KTN1: variants seen among roughly 807,000 people sequenced by gnomAD.
KTN1 encodes kinectin 1.
Under a neutral mutation model 222.5 loss-of-function variants are expected in KTN1, and 130 were observed. The observed-to-expected ratio is 0.58, with a 90% CI of 0.51 to 0.68. The LOEUF is 0.68. KTN1 is among the 30% of genes least tolerant of loss of function. The pLI, the probability that KTN1 is intolerant of heterozygous loss-of-function variation, is 0.00. For missense variants in KTN1, 1,508 were observed against 1,500.4 expected (o/e 1.01, Z -0.08); for synonymous variants, 512 against 496.3 (o/e 1.03, Z -0.42).
At chr14:55,606,415 A>C (rs1479517576) in intron 1 of KTN1, among the ~76,000 whole-genome samples, 1 of 151,992 alleles carries the variant, frequency 6.6e-6, no homozygotes, top group African/African-American at 2.4e-5. Context: ...TTCAGATTTC[A>C]GTCTTGAATT....
intron 35 of KTN1, among the ~76,000 whole-genome samples, chr14:55,671,012 G>GTTTGCCATTCCTTTAACTCTGTATTTTAA (rs1330636517): frequency 1.3e-5 from 2 of 152,102 alleles, no homozygotes; most frequent in African/African-American, 4.8e-5. Flanking sequence ...CAAAGCTAGT[G>GTTTGCCATTCCTTTAACTCTGTATTTTAA]TTTGCCATTC....
At position 55,619,049 on chromosome 14, in the gene KTN1, C is replaced by T. The variant is rs1041353262; in HGVS notation, c.833-133C>T. 4 of 634,684 alleles carry T rather than the reference C, an allele frequency of 6.3e-6. No homozygotes were observed. The East Asian group carries it at 1.1e-4, about 18-fold the overall frequency. The allele number at this position is 634,684 out of a possible 1,614,324, so 39.3% of individuals were successfully genotyped here. A position where few individuals can be genotyped will look rare whatever the true frequency, so the allele number is the denominator to read the frequency against. On this transcript the variant is annotated intron_variant, in intron 4 of 43. Transcript: ENST00000395314. Reference sequence around the variant, plus strand: ...GACTGGAGTATTTGTTTTATTTAACCTGAAGTATATATCTGTTTTCTTTCG... The same window carrying T: ...GACTGGAGTATTTGTTTTATTTAACTTGAAGTATATATCTGTTTTCTTTCG...
At chr14:55,640,668 A>C (rs565358230) in intron 15 of KTN1, among the ~76,000 whole-genome samples, 3 of 152,100 alleles carry the variant, frequency 2.0e-5, no homozygotes, top group South Asian at 4.1e-4. Context: ...TTATCTTACT[A>C]TGCTGGTTTG....
chr14:55,648,069 T>C lies in KTN1; in HGVS notation c.2252T>C (p.Leu751Pro), dbSNP rs1464859206. ...DEKLKTVEELLETGLIQVATK... is the reference protein window; with the variant it reads ...DEKLKTVEELPETGLIQVATK... Reference sequence around the variant, plus strand: ...AAGTTAAAGACTGTGGAAGAATTACTTGAAACTGGACTTATTCAGGTGGCA... The same window carrying C: ...AAGTTAAAGACTGTGGAAGAATTACCTGAAACTGGACTTATTCAGGTGGCA... The change falls in exon 20 of 44, where the codon CTT (leucine) becomes CCT (proline). Residue 751 changes from leucine to proline, a missense_variant. Coordinates refer to ENST00000395314, the MANE Select transcript of KTN1 (RefSeq NM_001079521.2). 6.4e-7 allele frequency: 1 copy of C among 1,568,210 alleles called. No individual in the cohort carries two copies. The highest frequency in any genetic ancestry group is 8.6e-7 in the Non-Finnish European group (1 of 1,159,010).
intron 37 of KTN1, 137 bp downstream of exon 37, chr14:55,672,014 T>C (rs1254882847): frequency 9.8e-5 from 61 of 625,600 alleles, no homozygotes; most frequent in Non-Finnish European, 9.8e-5. Flanking sequence ...GTGGCAGCAG[T>C]CTGTGTTTTC....
Position 55,658,448 on chromosome 14 carries a change from A to G in KTN1, c.2893-98A>G, listed in dbSNP as rs137944116. 4.9e-5 allele frequency: 36 copies of G among 737,084 alleles called. No individual in the cohort carries two copies. The East Asian group carries it at 9.4e-4, about 19-fold the overall frequency. 45.7% of individuals were successfully genotyped at this position (737,084 alleles called of 1,614,324 possible). A position where few individuals can be genotyped will look rare whatever the true frequency, so the allele number is the denominator to read the frequency against. ...CCTTTAAAATTATTGCTATTTTGGA[A>G]TTTTTCTAGCTTGTATGATCTGTTT... On this transcript the variant is annotated intron_variant, in intron 29 of 43. Coordinates refer to ENST00000395314, the MANE Select transcript of KTN1 (RefSeq NM_001079521.2).
chr14:55,662,653 C>G (rs1566827179), intron 32 of KTN1, among the ~76,000 whole-genome samples: 2 of 152,158 alleles, frequency 1.3e-5, no homozygotes, highest in South Asian at 4.1e-4. Flanking sequence ...TAAAATGTTA[C>G]TGAAATCTAA....
intron 29 of KTN1, among the ~76,000 whole-genome samples, chr14:55,657,770 C>T (rs967528569): frequency 6.6e-6 from 1 of 151,880 alleles, no homozygotes; most frequent in South Asian, 2.1e-4. Context: ...AAAAATTAGC[C>T]GGGCATGGTG....
At chr14:55,648,910 T>G (rs200274191) in intron 21 of KTN1, 40 bp downstream of exon 21, 1 of 1,331,864 alleles carries the variant, frequency 7.5e-7, no homozygotes, top group East Asian at 2.3e-5. Flanking sequence ...TCTCTGTGTT[T>G]TTTGTTTGTT....
At position 55,639,978 on chromosome 14, in the gene KTN1, T is replaced by C; in HGVS notation, c.1889T>C (p.Leu630Ser). 1 of 1,605,164 alleles carries C rather than the reference T, an allele frequency of 6.2e-7. No individual in the cohort carries two copies. The highest frequency in any genetic ancestry group is 8.5e-7 in the Non-Finnish European group (1 of 1,172,516). The change falls in exon 14 of 44, where the codon TTA becomes TCA. Residue 630 changes from leucine (L) to serine (S), a missense_variant. By Grantham distance (145) the Leu-to-Ser change is moderately radical (BLOSUM62 -2). Transcript: ENST00000395314. ...EDSLASERDR[L>S]TSKEEELKDI... Reference sequence around the variant, plus strand: ...TCTTTAGCAAGTGAACGTGATCGTTTAACAAGTAAAGAAGAGGAACTTAAG... The same window carrying C: ...TCTTTAGCAAGTGAACGTGATCGTTCAACAAGTAAAGAAGAGGAACTTAAG...
intron 1 of KTN1, among the ~76,000 whole-genome samples, chr14:55,608,630 T>TC (rs1290593359): frequency 6.6e-6 from 1 of 151,852 alleles, no homozygotes; most frequent in East Asian, 1.9e-4. Context: ...TGAACTTTTT[T>TC]TTTTTTTTTT....
intron 8 of KTN1, among the ~76,000 whole-genome samples, chr14:55,634,236 A>T (rs2140941636): frequency 6.6e-6 from 1 of 152,292 alleles, no homozygotes; most frequent in Non-Finnish European, 1.5e-5. Flanking sequence ...CAGTACCCTG[A>T]CTGGCTGATT....
At chr14:55,652,606 A>G (rs367739268) in intron 25 of KTN1, among the ~76,000 whole-genome samples, 45 of 152,076 alleles carry the variant, frequency 3.0e-4, no homozygotes, top group East Asian at 1.5e-3. Context: ...TCACCGTGTT[A>G]GCCAGGATGG....
At chr14:55,601,767 G>A (rs925322531) in intron 1 of KTN1, 2 of 151,814 alleles carry the variant, frequency 1.3e-5, no homozygotes, top group Admixed American at 6.6e-5. Context: ...GTAGATTTTC[G>A]TTCCGTCACC....
chr14:55,676,344 T>G (rs946666957), intron 41 of KTN1, among the ~76,000 whole-genome samples: 1 of 152,192 alleles, frequency 6.6e-6, no homozygotes, highest in African/African-American at 2.4e-5. Context: ...CAAATATATT[T>G]TTCCTAATCT....
intron 1 of KTN1, among the ~76,000 whole-genome samples, chr14:55,608,438 C>A (rs1257199917): frequency 6.6e-6 from 1 of 152,272 alleles, no homozygotes; most frequent in East Asian, 1.9e-4. Context: ...ACTGAACTTG[C>A]ATACATAAAA....
rs1042159684 is a variant in KTN1 at position 55,598,384 on chromosome 14, G to A, written c.-30-13635G>A. On this transcript the variant is annotated intron_variant, in intron 1 of 43. Coordinates refer to ENST00000395314, the MANE Select transcript of KTN1 (RefSeq NM_001079521.2). Reference sequence around the variant, plus strand: ...CAGGAGGCGGAGCTTGCAGTGAGCCGAGAACCCGCCACTGCACTCCAGCCT... The same window carrying A: ...CAGGAGGCGGAGCTTGCAGTGAGCCAAGAACCCGCCACTGCACTCCAGCCT... Among the ~76,000 whole-genome samples, 3 of 145,276 alleles carry A rather than the reference G, an allele frequency of 2.1e-5. No individual in the cohort carries two copies. The Admixed American group carries it at 2.1e-4, about 10-fold the overall frequency.
intron 5 of KTN1, among the ~76,000 whole-genome samples, chr14:55,625,135 C>A (rs1356223774): frequency 6.6e-6 from 1 of 152,078 alleles, no homozygotes; most frequent in African/African-American, 2.4e-5. Context: ...CTGGACTCTG[C>A]CACTTGCAGC....
At chr14:55,614,300 C>T (rs1238615258) in intron 2 of KTN1, among the ~76,000 whole-genome samples, 4 of 152,148 alleles carry the variant, frequency 2.6e-5, no homozygotes, top group East Asian at 3.9e-4. Context: ...TATTTGATGC[C>T]GGCAGACTAG....
Sources: gnomAD v4.1 joint callset for allele counts (sites outside exome capture counted in the v4.1 genomes callset) on GRCh38, gnomAD v4.1.1 for gene constraint, MANE v1.5 for transcripts, NCBI Gene and HGNC (gene_info 2026-07-23, HGNC 2026-07-21) for gene names.